Variants in BNC2 observed in about 807,000 individuals in gnomAD.
BNC2 encodes zinc finger protein basonuclin-2.
A neutral mutation model predicts 76.3 loss-of-function variants in BNC2; 20 were observed. That is an observed-to-expected ratio of 0.26 (90% CI 0.18 to 0.38). The LOEUF is 0.38. Ranked by LOEUF, BNC2 falls within the 10% of genes least tolerant of loss-of-function variation. The probability of loss-of-function intolerance (pLI) is 1.00; values close to 1 mark genes in which losing one functional copy is unlikely to be tolerated. For synonymous variants in BNC2, 582 were observed against 514.8 expected, an observed-to-expected ratio of 1.13 and a Z score of -1.77; for missense variants, 1,382 against 1,399.8, an observed-to-expected ratio of 0.99 and a Z score of 0.20.
intron 1 of BNC2, among the ~76,000 whole-genome samples, chr9:16,860,769 G>A (rs555261684): frequency 9.8e-5 from 15 of 152,290 alleles, no homozygotes; most frequent in East Asian, 9.7e-4. Context: ...GGGGCTGGGC[G>A]TGGTGGCTCA....
intron 1 of BNC2, among the ~76,000 whole-genome samples, chr9:16,796,023 G>C (rs1162291310): frequency 6.6e-6 from 1 of 152,142 alleles, no homozygotes; most frequent in Non-Finnish European, 1.5e-5. Context: ...AATTTACGCA[G>C]TCTCAAAGCT....
intron 1 of BNC2, among the ~76,000 whole-genome samples, chr9:16,851,433 C>A (rs1393900014): frequency 6.6e-6 from 1 of 152,012 alleles, no homozygotes; most frequent in Non-Finnish European, 1.5e-5. Flanking sequence ...TGGAGCCCAG[C>A]AGGTCAAGGC....
chr9:16,784,249 G>T (rs1007220261), intron 1 of BNC2, among the ~76,000 whole-genome samples: 1 of 152,134 alleles, frequency 6.6e-6, no homozygotes. Context: ...AGATAATTAG[G>T]GTTCAGAGTA....
intron 6 of BNC2, among the ~76,000 whole-genome samples, chr9:16,426,378 T>C (rs376408984): frequency 6.6e-6 from 1 of 150,716 alleles, no homozygotes; most frequent in Non-Finnish European, 1.5e-5. Context: ...TTGGCCAGGC[T>C]GGTCTTGAAC....
At chr9:16,568,173 CT>C (rs1479512874) in intron 4 of BNC2, among the ~76,000 whole-genome samples, 1 of 152,110 alleles carries the variant, frequency 6.6e-6, no homozygotes, top group Non-Finnish European at 1.5e-5. Flanking sequence ...TTTAGGAGCT[CT>C]GGATCCTAGA....
intron 3 of BNC2, among the ~76,000 whole-genome samples, chr9:16,590,686 G>A (rs1471468410): frequency 6.6e-6 from 1 of 151,960 alleles, no homozygotes; most frequent in Non-Finnish European, 1.5e-5. Flanking sequence ...ATGCACCTGT[G>A]GTTCTAGCTA....
intron 1 of BNC2, among the ~76,000 whole-genome samples, chr9:16,866,064 T>A (rs1819536402): frequency 6.6e-6 from 1 of 152,156 alleles, no homozygotes; most frequent in South Asian, 2.1e-4. Flanking sequence ...TTTACTTAAA[T>A]GATAAATATG....
intron 5 of BNC2, among the ~76,000 whole-genome samples, chr9:16,456,435 G>A (rs1286098525): frequency 1.3e-5 from 2 of 151,490 alleles, no homozygotes; most frequent in African/African-American, 4.9e-5. Flanking sequence ...GGAGGCTGAG[G>A]CAGGAGAATG....
At position 16,813,487 on chromosome 9, in the gene BNC2, G is replaced by T. The variant is rs186613423; in HGVS notation, c.3+57159C>A. 3.8e-4 allele frequency among the ~76,000 whole-genome samples: 57 copies of T among 151,968 alleles called. No homozygotes were observed. The East Asian group carries it at 7.3e-3, about 20-fold the overall frequency. On this transcript the variant is annotated intron_variant, in intron 1 of 6. Coordinates refer to ENST00000380672, the MANE Select transcript of BNC2 (RefSeq NM_017637.6). ...TCACCGTGTTAGCCAGGATGGACTC[G>T]ATCGCCTGACCTCATGATCCGCCCA...
At chr9:16,848,401 T>C (rs538554938) in intron 1 of BNC2, among the ~76,000 whole-genome samples, 2 of 152,252 alleles carry the variant, frequency 1.3e-5, no homozygotes, top group South Asian at 4.1e-4. Flanking sequence ...TGGAACAAGA[T>C]AAAGCATTCA....
intron 5 of BNC2, among the ~76,000 whole-genome samples, chr9:16,499,530 C>CTTTTT (rs763681726): frequency 7.9e-6 from 1 of 127,110 alleles, no homozygotes; most frequent in African/African-American, 2.9e-5. Context: ...CTTTTTTTTT[C>CTTTTT]TTTTTTTTTT....
intron 3 of BNC2, among the ~76,000 whole-genome samples, chr9:16,634,184 G>T (rs1273271411): frequency 6.6e-6 from 1 of 152,110 alleles, no homozygotes; most frequent in Non-Finnish European, 1.5e-5. Flanking sequence ...AAATTCAATG[G>T]ACTTAGGTAT....
intron 4 of BNC2, among the ~76,000 whole-genome samples, chr9:16,561,930 C>A (rs1819029261): frequency 6.6e-6 from 1 of 151,936 alleles, no homozygotes; most frequent in Non-Finnish European, 1.5e-5. Flanking sequence ...CTTGAGCCCA[C>A]GGAGGTCGAA....
intron 3 of BNC2, among the ~76,000 whole-genome samples, chr9:16,641,629 C>T (rs1821494743): frequency 6.6e-6 from 1 of 152,144 alleles, no homozygotes; most frequent in African/African-American, 2.4e-5. Context: ...TTGGACTAAA[C>T]AATCCTGCTA....
rs772424815 is a variant in BNC2 at position 16,419,050 on chromosome 9, C to T, written c.3239G>A (p.Arg1080Gln). ...CNMMFSSVRSRNRHSQNPNLH... is the reference protein window; with the variant it reads ...CNMMFSSVRSQNRHSQNPNLH... The stretch of plus-strand genomic sequence containing the variant: ...ATTAGGGTTCTGACTGTGCCGATTT[C>T]GGCTTCGTACAGAGGAAAACATCAT... The change falls in exon 7 of 7, where the codon CGA becomes CAA. Residue 1080 changes from arginine (R) to glutamine (Q), a missense_variant. Arg to Gln is a conservative substitution (Grantham distance 43). Around this residue, in one of 3 missense-constraint regions of BNC2, gnomAD observed 798 missense variants for 775.5 expected, o/e 1.03. Transcript: ENST00000380672. The T allele has an allele frequency of 4.3e-6, 7 of 1,614,144 alleles. No homozygotes were observed. Among genetic ancestry groups the T allele is most frequent in the Admixed American group, 1.7e-5 (1 of 60,022 alleles).
intron 3 of BNC2, among the ~76,000 whole-genome samples, chr9:16,714,848 G>A (rs924735486): frequency 6.6e-6 from 1 of 152,118 alleles, no homozygotes; most frequent in Non-Finnish European, 1.5e-5. Context: ...TAACTGATTT[G>A]CCTGGAGAAT....
intron 1 of BNC2, among the ~76,000 whole-genome samples, chr9:16,857,429 A>G (rs1356492912): frequency 6.8e-6 from 1 of 147,774 alleles, no homozygotes; most frequent in Non-Finnish European, 1.5e-5. Flanking sequence ...GTGAGCCGAC[A>G]TTGTGCCACT....
intron 3 of BNC2, among the ~76,000 whole-genome samples, chr9:16,699,446 G>T (rs1315292233): frequency 6.6e-6 from 1 of 151,654 alleles, no homozygotes; most frequent in Non-Finnish European, 1.5e-5. Context: ...TAAGAAAGAA[G>T]AGATTTCTCT....
At chr9:16,852,441 T>C (rs1164000625) in intron 1 of BNC2, among the ~76,000 whole-genome samples, 2 of 152,164 alleles carry the variant, frequency 1.3e-5, no homozygotes, top group Admixed American at 6.5e-5. Flanking sequence ...TTGATAACTA[T>C]TGATAAAGAA....
Sources: gnomAD v4.1 joint callset for allele counts (sites outside exome capture counted in the v4.1 genomes callset) on GRCh38, gnomAD v4.1.1 for gene constraint, gnomAD v4.1.1 regional missense constraint, MANE v1.5 for transcripts, NCBI Gene and HGNC (gene_info 2026-07-23, HGNC 2026-07-21) for gene names.